The following SESTD1 variants were observed in gnomAD, a reference collection of about 807,000 sequenced individuals.
SESTD1 encodes the protein SEC14 and spectrin domain containing 1, also known as SEC14 domain and spectrin repeat-containing protein 1.
In SESTD1, 43 loss-of-function variants were observed where a neutral mutation model predicts 101.7. The ratio of observed to expected loss-of-function variants is 0.42; its 90% confidence interval spans 0.33 to 0.55. SESTD1 has a LOEUF of 0.55. SESTD1 is among the 20% of genes least tolerant of loss of function. SESTD1 has a pLI of 0.07. For synonymous variants in SESTD1, 283 were observed against 286.8 expected, an observed-to-expected ratio of 0.99 and a Z score of 0.13; for missense variants, 647 against 815.1, an observed-to-expected ratio of 0.79 and a Z score of 2.51.
chr2:179,115,088 C>T lies in SESTD1; in HGVS notation c.1816G>A (p.Ala606Thr). 1 of 1,610,536 alleles carries T rather than the reference C, an allele frequency of 6.2e-7. No homozygotes were observed. The highest frequency in any genetic ancestry group is 8.5e-7 in the Non-Finnish European group (1 of 1,179,226). ...ERVHRLEMAIAFHSNAEKILQ... is the reference protein window; with the variant it reads ...ERVHRLEMAITFHSNAEKILQ... ...ACCTTTTCAGCATTTGAGTGAAATG[C>T]AATAGCCATTTCCAATCTATGTACT... The change falls in exon 16 of 18, where the codon GCA (alanine) becomes ACA (threonine). Residue 606 changes from alanine (A) to threonine (T), a missense_variant. Around this residue, in one of 3 missense-constraint regions of SESTD1, gnomAD observed 476 missense variants for 562.6 expected, o/e 0.85. Transcript: ENST00000428443.
At position 179,109,695 on chromosome 2, in the gene SESTD1, A is replaced by C; in HGVS notation, c.*204T>G. On this transcript the variant is annotated 3_prime_UTR_variant, in exon 18 of 18. Coordinates refer to ENST00000428443, the MANE Select transcript of SESTD1 (RefSeq NM_178123.5). The stretch of plus-strand genomic sequence containing the variant: ...TGTTTATAGTTCCTTCTTTTAAGAT[A>C]CTTGGAATCTACAGCCTCGAAGCAT... The C allele has an allele frequency of 3.5e-6, 2 of 576,878 alleles. No individual in the cohort carries two copies. Among genetic ancestry groups the C allele is most frequent in the African/African-American group, 3.7e-5 (2 of 53,696 alleles). 35.7% of individuals were successfully genotyped at this position (576,878 alleles called of 1,614,324 possible).
At chr2:179,176,198 A>C (rs978286108) in intron 4 of SESTD1, among the ~76,000 whole-genome samples, 1 of 152,152 alleles carries the variant, frequency 6.6e-6, no homozygotes, top group Non-Finnish European at 1.5e-5. Context: ...TCCTTTCTTA[A>C]ATTACTTAAA....
At chr2:179,185,795 T>C (rs1331333797) in intron 2 of SESTD1, among the ~76,000 whole-genome samples, 2 of 127,204 alleles carry the variant, frequency 1.6e-5, no homozygotes, top group East Asian at 2.2e-4. Context: ...GTATACAATA[T>C]ATAATATAGC....
chr2:179,211,784 A>G (rs1317910775), intron 1 of SESTD1, among the ~76,000 whole-genome samples: 1 of 132,548 alleles, frequency 7.5e-6, no homozygotes, highest in Non-Finnish European at 1.6e-5. Flanking sequence ...ATATGTTCTC[A>G]CTTATAAGTG....
At chr2:179,201,076 G>C (rs1339438804) in intron 1 of SESTD1, among the ~76,000 whole-genome samples, 1 of 133,376 alleles carries the variant, frequency 7.5e-6, no homozygotes, top group Non-Finnish European at 1.6e-5. Flanking sequence ...AAATTTACAA[G>C]AAAAAAACAA....
chr2:179,157,904 A>C (rs2105458406), intron 5 of SESTD1, among the ~76,000 whole-genome samples: 1 of 152,304 alleles, frequency 6.6e-6, no homozygotes, highest in East Asian at 1.9e-4. Flanking sequence ...GATGTAGAAT[A>C]AAATTTTCTG....
intron 1 of SESTD1, among the ~76,000 whole-genome samples, chr2:179,195,781 C>G (rs889323701): frequency 1.3e-5 from 2 of 148,814 alleles, no homozygotes; most frequent in African/African-American, 5.0e-5. Flanking sequence ...TTAAAAGGAA[C>G]CAGGGAATAA....
intron 1 of SESTD1, among the ~76,000 whole-genome samples, chr2:179,200,591 C>T (rs1011738943): frequency 3.1e-4 from 47 of 152,012 alleles, no homozygotes; most frequent in African/African-American, 1.1e-3. Flanking sequence ...TCAATGGAAC[C>T]GAATAGAGCT....
Position 179,165,489 on chromosome 2 carries a change from C to T in SESTD1, c.369+6631G>A, listed in dbSNP as rs187012963. On this transcript the variant is annotated intron_variant, in intron 5 of 17. Transcript: ENST00000428443. The stretch of plus-strand genomic sequence containing the variant: ...TACCGGGTGTTCACAGCTTTAGTTT[C>T]GGCTATTTACCCCTGGTTCACTTTG... Among the ~76,000 whole-genome samples, 446 of 152,234 alleles carry T rather than the reference C, an allele frequency of 2.9e-3. 1 individual carries two copies. The highest frequency in any genetic ancestry group is 0.027 in the Middle Eastern group (8 of 294).
At chr2:179,166,338 C>T (rs953073798) in intron 5 of SESTD1, among the ~76,000 whole-genome samples, 1 of 151,972 alleles carries the variant, frequency 6.6e-6, no homozygotes, top group African/African-American at 2.4e-5. Context: ...TGAAGCACAG[C>T]CCAAAATCTT....
chr2:179,200,661 A>G (rs2046494265), intron 1 of SESTD1, among the ~76,000 whole-genome samples: 1 of 150,010 alleles, frequency 6.7e-6, no homozygotes, highest in Admixed American at 6.6e-5. Context: ...GAGAAAAACA[A>G]GAAATGGGGA....
At chr2:179,133,697 A>G (rs2045066719) in intron 9 of SESTD1, among the ~76,000 whole-genome samples, 1 of 152,214 alleles carries the variant, frequency 6.6e-6, no homozygotes, top group Admixed American at 6.5e-5. Flanking sequence ...GGTAGGCTTA[A>G]CGTAGAAAAG....
chr2:179,159,383 A>G (rs1331837767), intron 5 of SESTD1, among the ~76,000 whole-genome samples: 1 of 152,214 alleles, frequency 6.6e-6, no homozygotes, highest in African/African-American at 2.4e-5. Flanking sequence ...CAATGATGGC[A>G]AACATCACAG....
chr2:179,255,408 C>G (rs964761373), intron 1 of SESTD1, among the ~76,000 whole-genome samples: 26 of 152,312 alleles, frequency 1.7e-4, no homozygotes, highest in African/African-American at 6.3e-4. Flanking sequence ...GAAAGTGAAA[C>G]AGCCACATTG....
intron 6 of SESTD1, among the ~76,000 whole-genome samples, chr2:179,150,543 TG>T (rs1289549081): frequency 2.6e-5 from 4 of 151,738 alleles, no homozygotes; most frequent in Non-Finnish European, 5.9e-5. Flanking sequence ...TACTGTTGGC[TG>T]GGAGCAGTGG....
At chr2:179,214,101 T>C (rs1574040630) in intron 1 of SESTD1, among the ~76,000 whole-genome samples, 1 of 134,512 alleles carries the variant, frequency 7.4e-6, no homozygotes. Flanking sequence ...GCTAACATCA[T>C]AATGACAGGA....
At chr2:179,237,590 G>A (rs2047087710) in intron 1 of SESTD1, among the ~76,000 whole-genome samples, 1 of 152,148 alleles carries the variant, frequency 6.6e-6, no homozygotes, top group South Asian at 2.1e-4. Context: ...TAAGTTTGGA[G>A]ATAATTTTAA....
Position 179,188,398 on chromosome 2 carries a change from C to T in SESTD1, c.55+3389G>A, listed in dbSNP as rs191716788. ...GAGATAAATGAAAACAGTGATACAACGTATCAAAGTGAGCGAGTCACTTGA... is the reference window on the plus strand; with the variant it reads ...GAGATAAATGAAAACAGTGATACAATGTATCAAAGTGAGCGAGTCACTTGA... On this transcript the variant is annotated intron_variant, in intron 2 of 17. Transcript: ENST00000428443. Among the ~76,000 whole-genome samples the T allele has an allele frequency of 8.5e-5, 13 of 152,236 alleles. No individual in the cohort carries two copies. In the East Asian group the frequency reaches 1.9e-3, roughly 23 times the overall value.
chr2:179,260,946 A>G (rs10930858), intron 1 of SESTD1, among the ~76,000 whole-genome samples: 68,323 of 152,090 alleles, frequency 0.45, 18,231 homozygotes, highest in African/African-American at 0.75. Context: ...TGTCAACAGC[A>G]GTTTCTCCAA....
Sources: allele counts gnomAD v4.1 joint callset (sites outside exome capture counted in the v4.1 genomes callset), GRCh38; gene constraint gnomAD v4.1.1; regional missense constraint gnomAD v4.1.1; transcripts MANE v1.5; gene names NCBI Gene and HGNC (gene_info 2026-07-23, HGNC 2026-07-21).